Variants in BMPER observed in about 807,000 individuals in gnomAD.
BMPER encodes the protein BMP-binding endothelial regulator protein.
In BMPER, 45 loss-of-function variants were observed where a neutral mutation model predicts 87.3. The observed-to-expected ratio is 0.52, with a 90% CI of 0.41 to 0.66. The LOEUF (loss-of-function observed/expected upper bound fraction) is 0.66, where lower values mean the gene tolerates loss of function less well. Ranked by LOEUF, BMPER falls within the 30% of genes least tolerant of loss-of-function variation. The pLI is 0.00. For missense variants in BMPER, 784 were observed against 867.5 expected, an observed-to-expected ratio of 0.90 and a Z score of 1.21; for synonymous variants, 326 against 316.2, an observed-to-expected ratio of 1.03 and a Z score of -0.33.
At chr7:34,056,838 G>A (rs79787222) in intron 9 of BMPER, among the ~76,000 whole-genome samples, 2,391 of 152,114 alleles carry the variant, frequency 0.016, 71 homozygotes, top group African/African-American at 0.054. Context: ...GGCTGATCTC[G>A]AACTCCCGAC....
chr7:34,007,397 A>AGGC (rs1382739571), intron 6 of BMPER, among the ~76,000 whole-genome samples: 1 of 152,096 alleles, frequency 6.6e-6, no homozygotes, highest in Non-Finnish European at 1.5e-5. Context: ...GTGAAAATAC[A>AGGC]GGCTTCTACT....
intron 2 of BMPER, among the ~76,000 whole-genome samples, chr7:33,917,597 T>C (rs572754349): frequency 2.0e-5 from 3 of 152,150 alleles, no homozygotes; most frequent in Non-Finnish European, 4.4e-5. Context: ...TTCAAGGGAA[T>C]AGACATAACA....
At chr7:33,939,082 C>G (rs1268292187) in intron 3 of BMPER, among the ~76,000 whole-genome samples, 1 of 152,070 alleles carries the variant, frequency 6.6e-6, no homozygotes, top group African/African-American at 2.4e-5. Context: ...GAGGGACCAA[C>G]TTGGAAAGAT....
intron 12 of BMPER, among the ~76,000 whole-genome samples, chr7:34,082,560 T>A (rs936615315): frequency 2.6e-5 from 4 of 152,118 alleles, no homozygotes; most frequent in Non-Finnish European, 5.9e-5. Context: ...GAGAGTGAAT[T>A]ACAAATTATT....
chr7:34,105,905 A>G (rs561894449), intron 13 of BMPER, among the ~76,000 whole-genome samples: 1 of 152,340 alleles, frequency 6.6e-6, no homozygotes, highest in East Asian at 1.9e-4. Flanking sequence ...AGTCTATTCT[A>G]GGTAAATAAG....
intron 2 of BMPER, among the ~76,000 whole-genome samples, chr7:33,917,013 T>TGTGTTGGGCTTG (rs1784102130): frequency 1.3e-5 from 2 of 152,176 alleles, no homozygotes; most frequent in Non-Finnish European, 1.5e-5. Flanking sequence ...CATTTGAAAA[T>TGTGTTGGGCTTG]ATAAGATCAT....
intron 7 of BMPER, 85 bp downstream of exon 7, chr7:34,046,490 A>G: frequency 1.4e-6 from 2 of 1,394,100 alleles, no homozygotes; most frequent in South Asian, 2.3e-5. Flanking sequence ...TGTTGTTTTG[A>G]GATTCTCAAG....
rs35451161 is a variant in BMPER, at chr7:33,928,639, CAAAA to C, written c.220-8632_220-8629del. Among the ~76,000 whole-genome samples, 346 of 49,098 alleles carry C rather than the reference CAAAA, an allele frequency of 7.0e-3. 6 individuals carry two copies. In the South Asian group the frequency reaches 0.1, roughly 15 times the overall value. The allele number at this position is 49,098 out of a possible 152,430, so 32.2% of individuals were successfully genotyped here. On this transcript the variant is annotated intron_variant, in intron 2 of 14. Coordinates refer to ENST00000649409, the MANE Select transcript of BMPER (RefSeq NM_001365308.1). ...TGTTCCGTGAGTTTCTTGAAAAAGC[CAAAA>C]AAAAAAAAAAAAAAAAAGCCAGACC...
intron 12 of BMPER, among the ~76,000 whole-genome samples, chr7:34,081,455 C>G (rs58487102): frequency 1.3e-5 from 2 of 152,148 alleles, no homozygotes; most frequent in Non-Finnish European, 2.9e-5. Context: ...TCCGCACTTA[C>G]GATGGGATTA....
chr7:34,119,014 T>TCTCTCTCTCTCACACACA (rs66493349), intron 13 of BMPER, among the ~76,000 whole-genome samples: 1 of 135,712 alleles, frequency 7.4e-6, no homozygotes, highest in African/African-American at 2.6e-5. Context: ...TCTCTCTCTC[T>TCTCTCTCTCTCACACACA]CACACACACA....
intron 3 of BMPER, among the ~76,000 whole-genome samples, chr7:33,952,025 T>C (rs1371928312): frequency 6.6e-6 from 1 of 152,230 alleles, no homozygotes; most frequent in Non-Finnish European, 1.5e-5. Flanking sequence ...TATTTTCATA[T>C]GGTAGTGGCT....
rs1791296968 is a variant in BMPER at position 34,156,130 on chromosome 7, G to A, written c.*2857G>A. 1.3e-5 allele frequency among the ~76,000 whole-genome samples: 2 copies of A among 152,242 alleles called. No homozygotes were observed. Among genetic ancestry groups the A allele is most frequent in the Non-Finnish European group, 1.5e-5 (1 of 68,020 alleles). On this transcript the variant is annotated 3_prime_UTR_variant, in exon 15 of 15. Transcript: ENST00000649409. ...TTGAAGGCCTCACTCATCTTAACTC[G>A]TTGACTGCTTCCTGACCATCAGACC...
At chr7:33,936,670 G>A (rs1033306389) in intron 2 of BMPER, among the ~76,000 whole-genome samples, 5 of 152,156 alleles carry the variant, frequency 3.3e-5, no homozygotes, top group African/African-American at 1.2e-4. Context: ...AGATGCAAAT[G>A]TTCACCACAT....
At chr7:34,039,734 A>T (rs1273219971) in intron 6 of BMPER, among the ~76,000 whole-genome samples, 1 of 151,998 alleles carries the variant, frequency 6.6e-6, no homozygotes, top group Non-Finnish European at 1.5e-5. Context: ...ATGTGTGTAT[A>T]TCTATATAAA....
chr7:33,941,136 A>T (rs1288492700), intron 3 of BMPER, among the ~76,000 whole-genome samples: 2 of 138,424 alleles, frequency 1.4e-5, no homozygotes, highest in Admixed American at 7.7e-5. Context: ...ATATATTTAT[A>T]TGTAATATAT....
intron 3 of BMPER, among the ~76,000 whole-genome samples, chr7:33,958,166 G>A (rs1785190610): frequency 6.6e-6 from 1 of 152,158 alleles, no homozygotes; most frequent in African/African-American, 2.4e-5. Context: ...TGCATTAAGG[G>A]AGAAAAATCC....
chr7:34,087,926 T>C (rs1206503080), intron 13 of BMPER, among the ~76,000 whole-genome samples: 3 of 152,258 alleles, frequency 2.0e-5, no homozygotes, highest in African/African-American at 7.2e-5. Context: ...TTATGATTTC[T>C]GGACTGCAAC....
chr7:33,906,205 C>T (rs1378250070), intron 1 of BMPER, among the ~76,000 whole-genome samples: 10 of 152,010 alleles, frequency 6.6e-5, no homozygotes, highest in South Asian at 2.1e-4. Context: ...CACTAATAGC[C>T]GGATATAATA....
At chr7:34,043,141 G>A (rs527361978) in intron 6 of BMPER, among the ~76,000 whole-genome samples, 1 of 152,310 alleles carries the variant, frequency 6.6e-6, no homozygotes, top group East Asian at 1.9e-4. Flanking sequence ...GAGAAAAGAA[G>A]ATTGGAGAAG....
Sources: allele counts gnomAD v4.1 joint callset (sites outside exome capture counted in the v4.1 genomes callset), GRCh38; gene constraint gnomAD v4.1.1; transcripts MANE v1.5; gene names NCBI Gene and HGNC (gene_info 2026-07-23, HGNC 2026-07-21).